RNF212B: variants seen among roughly 807,000 people sequenced by gnomAD.
RNF212B encodes ring finger protein 212B, also known as E3 ubiquitin-protein ligase RNF212B.
Under a neutral mutation model 55.5 loss-of-function variants are expected in RNF212B, and 52 were observed. The ratio of observed to expected loss-of-function variants is 0.94; its 90% CI spans 0.75 to 1.18. The LOEUF is 1.18. RNF212B is among the 50% of genes most tolerant of loss of function. The pLI is 0.00. For missense variants in RNF212B, 289 were observed against 350.4 expected, an observed-to-expected ratio of 0.82 and a Z score of 1.40; for synonymous variants, 99 against 121.4, an observed-to-expected ratio of 0.82 and a Z score of 1.21.
At chr14:23,237,701 T>C (rs1430933457), upstream of RNF212B, among the ~76,000 whole-genome samples, 6 of 152,220 alleles carry the variant, frequency 3.9e-5, no homozygotes, top group Non-Finnish European at 7.3e-5. Context: ...GTAACATGTA[T>C]GGGATTAGGT....
intron 2 of RNF212B, among the ~76,000 whole-genome samples, chr14:23,219,046 T>TA: frequency 6.6e-6 from 1 of 152,274 alleles, no homozygotes; most frequent in African/African-American, 2.4e-5. Context: ...ATGACATATT[T>TA]AAAATGCTGA....
intron 14 of RNF212B, 108 bp downstream of exon 14, chr14:23,270,769 G>C: frequency 1.4e-6 from 1 of 722,230 alleles, no homozygotes; most frequent in South Asian, 1.5e-5. Flanking sequence ...AACGACATGG[G>C]TTTCAACTCT....
At chr14:23,194,429 T>C (rs185720516) in intron 2 of RNF212B, among the ~76,000 whole-genome samples, 37 of 152,206 alleles carry the variant, frequency 2.4e-4, no homozygotes, top group South Asian at 6.2e-4. Flanking sequence ...GAAATTTTAA[T>C]GTACCTCTAT....
chr14:23,272,121 T>G (rs551668737), intron 14 of RNF212B, among the ~76,000 whole-genome samples: 11 of 152,246 alleles, frequency 7.2e-5, no homozygotes, highest in African/African-American at 2.6e-4. Context: ...ATTCTATGTA[T>G]TTTTTGAAAA....
intron 1 of RNF212B, among the ~76,000 whole-genome samples, chr14:23,191,226 G>A (rs1334542173): frequency 6.6e-6 from 1 of 151,768 alleles, no homozygotes; most frequent in African/African-American, 2.4e-5. Flanking sequence ...TGGTGGCGGT[G>A]CACACCTGTA....
Position 23,244,312 on chromosome 14 carries a change from C to A in RNF212B, c.154-10C>A. 1 of 1,516,596 alleles carries A rather than the reference C, an allele frequency of 6.6e-7. No individual in the cohort carries two copies. Among genetic ancestry groups the A allele is most frequent in the Non-Finnish European group, 8.9e-7 (1 of 1,122,794 alleles). 93.9% of individuals were successfully genotyped at this position (1,516,596 alleles called of 1,614,324 possible). A position where few individuals can be genotyped will look rare whatever the true frequency, so the allele number is the denominator to read the frequency against. ...GGATATTCTCACAGTGTGTATTGCT[C>A]TCTTCGTAGCTGAAGCCTCAGGAGA... On this transcript the variant is annotated splice_polypyrimidine_tract_variant and intron_variant, in intron 3 of 14. Coordinates refer to ENST00000430154, the MANE Select transcript of RNF212B (RefSeq NM_001282322.3).
At chr14:23,226,812 C>CTTCTT (rs1555313757) in intron 2 of RNF212B, among the ~76,000 whole-genome samples, 1 of 128,760 alleles carries the variant, frequency 7.8e-6, no homozygotes, top group Middle Eastern at 3.9e-3. Context: ...TCTTCTTCTT[C>CTTCTT]TTTTTTTTTT....
intron 13 of RNF212B, 25 bp downstream of exon 13, chr14:23,269,985 G>A: frequency 8.1e-7 from 1 of 1,240,398 alleles, no homozygotes; most frequent in Non-Finnish European, 1.2e-6. Flanking sequence ...ATTTCCAAAG[G>A]AATGGAGCTT....
At chr14:23,250,502 G>T (rs560542713) in intron 4 of RNF212B, among the ~76,000 whole-genome samples, 1 of 147,746 alleles carries the variant, frequency 6.8e-6, no homozygotes, top group Admixed American at 6.7e-5. Context: ...AAAAAAGACT[G>T]AATTAATAAT....
chr14:23,250,411 A>C (rs1363227181), intron 4 of RNF212B, among the ~76,000 whole-genome samples: 3 of 149,522 alleles, frequency 2.0e-5, no homozygotes, highest in African/African-American at 7.4e-5. Context: ...TGAACCTGGG[A>C]GGCAGAGGTT....
upstream of RNF212B, among the ~76,000 whole-genome samples, chr14:23,234,326 A>C (rs1206657420): frequency 1.4e-5 from 2 of 145,842 alleles, no homozygotes; most frequent in Non-Finnish European, 3.1e-5. Flanking sequence ...ACATGCAAAA[A>C]GTTTTTTTTA....
At chr14:23,268,795 T>C in intron 11 of RNF212B, 129 bp from the exon 12 acceptor site, 2 of 693,186 alleles carry the variant, frequency 2.9e-6, no homozygotes, top group South Asian at 1.9e-5. Context: ...TCACTTGGCA[T>C]TAGCCCCCAA....
intron 2 of RNF212B, among the ~76,000 whole-genome samples, chr14:23,232,693 G>A (rs1301421371): frequency 1.3e-5 from 2 of 151,232 alleles, no homozygotes; most frequent in Admixed American, 6.6e-5. Context: ...GGGAGGTGGG[G>A]GGTCAGCCCC....
intron 2 of RNF212B, among the ~76,000 whole-genome samples, chr14:23,214,713 C>A (rs1880902190): frequency 6.6e-6 from 1 of 151,612 alleles, no homozygotes; most frequent in African/African-American, 2.4e-5. Context: ...ACGGGCATAA[C>A]TAATGTCAGG....
upstream of RNF212B, among the ~76,000 whole-genome samples, chr14:23,236,359 G>GA (rs1883090621): frequency 6.6e-6 from 1 of 151,962 alleles, no homozygotes; most frequent in South Asian, 2.1e-4. Flanking sequence ...ACTAAAAATA[G>GA]AAAAAATTAG....
At chr14:23,260,923 A>G (rs1050097159) in intron 7 of RNF212B, among the ~76,000 whole-genome samples, 4 of 152,224 alleles carry the variant, frequency 2.6e-5, no homozygotes, top group African/African-American at 9.7e-5. Flanking sequence ...GGTGCCATAA[A>G]GAAATAGCAT....
intron 4 of RNF212B, among the ~76,000 whole-genome samples, chr14:23,253,231 C>G (rs1423105235): frequency 6.6e-6 from 1 of 152,122 alleles, no homozygotes; most frequent in Non-Finnish European, 1.5e-5. Flanking sequence ...AATTATCAGT[C>G]CCCATTCACA....
intron 2 of RNF212B, among the ~76,000 whole-genome samples, chr14:23,200,254 TA>T (rs886487628): frequency 6.6e-6 from 1 of 152,070 alleles, no homozygotes; most frequent in Admixed American, 6.6e-5. Context: ...GAATCTCAGA[TA>T]AGATTTTAAA....
At chr14:23,236,697 T>C (rs147165592), upstream of RNF212B, among the ~76,000 whole-genome samples, 4 of 152,092 alleles carry the variant, frequency 2.6e-5, no homozygotes, top group Non-Finnish European at 5.9e-5. Context: ...GCAATTTACA[T>C]AAACAAAAGC....
Sources: gnomAD v4.1 joint callset for allele counts (sites outside exome capture counted in the v4.1 genomes callset) on GRCh38, gnomAD v4.1.1 for gene constraint, MANE v1.5 for transcripts, NCBI Gene and HGNC (gene_info 2026-07-23, HGNC 2026-07-21) for gene names.